The following TANC1 variants were observed in gnomAD, a reference collection of about 807,000 sequenced individuals.
The protein encoded by TANC1 is tetratricopeptide repeat, ankyrin repeat and coiled-coil containing 1.
In TANC1, 77 loss-of-function variants were observed where a neutral mutation model predicts 149.7. The ratio of observed to expected loss-of-function variants is 0.51; its 90% CI spans 0.43 to 0.62. TANC1 has a LOEUF of 0.62. TANC1 is among the 20% of genes least tolerant of loss of function. TANC1 has a pLI of 0.00. For missense variants in TANC1, 1,985 were observed against 2,321.8 expected, an observed-to-expected ratio of 0.85 and a Z score of 2.98; for synonymous variants, 854 against 925.0, an observed-to-expected ratio of 0.92 and a Z score of 1.39.
intron 7 of TANC1, among the ~76,000 whole-genome samples, chr2:159,154,273 G>A (rs1203843409): frequency 6.6e-6 from 1 of 152,142 alleles, no homozygotes; most frequent in Non-Finnish European, 1.5e-5. Context: ...AAAATTCCTG[G>A]ACCTTTCTTT....
Position 159,175,065 on chromosome 2 carries a change from GAGAC to G in TANC1, c.1617_1620del (p.Arg539SerfsTer3). Reference sequence around the variant, plus strand: ...CGGTCCCATCAGCTGGCCGCCTACAGAGACCTTCTGATAAAGGAGCCCCAACTAC... The same window carrying G: ...CGGTCCCATCAGCTGGCCGCCTACAGCTTCTGATAAAGGAGCCCCAACTAC... On this transcript the variant is annotated frameshift_variant, in exon 12 of 27. Coordinates refer to ENST00000263635, the MANE Select transcript of TANC1 (RefSeq NM_033394.3). LOFTEE classifies it high-confidence loss of function. 6.2e-7 allele frequency: 1 copy of G among 1,614,226 alleles called. No individual in the cohort carries two copies. Among genetic ancestry groups the G allele is most frequent in the Non-Finnish European group, 8.5e-7 (1 of 1,180,046 alleles).
At chr2:159,227,783 G>GA (rs775101195) in intron 24 of TANC1, 36 bp from the exon 25 acceptor site, 9 of 1,611,264 alleles carry the variant, frequency 5.6e-6, no homozygotes, top group African/African-American at 1.3e-5. Context: ...TAGAACCTCT[G>GA]AAAAAGGACA....
At chr2:159,172,562 A>G (rs2055376313) in intron 11 of TANC1, among the ~76,000 whole-genome samples, 1 of 152,212 alleles carries the variant, frequency 6.6e-6, no homozygotes, top group African/African-American at 2.4e-5. Flanking sequence ...GCTTATCTGC[A>G]TGTGCTCTTC....
At chr2:159,151,326 G>A (rs1357448266) in intron 7 of TANC1, among the ~76,000 whole-genome samples, 2 of 152,242 alleles carry the variant, frequency 1.3e-5, no homozygotes, top group Non-Finnish European at 2.9e-5. Flanking sequence ...CTGGGCTCCA[G>A]TGTCTGTGTG....
At chr2:159,072,080 C>A (rs1054118633) in intron 3 of TANC1, among the ~76,000 whole-genome samples, 10 of 150,008 alleles carry the variant, frequency 6.7e-5, no homozygotes, top group African/African-American at 2.5e-4. Context: ...CTCCTAGGTT[C>A]AAGCGATTTT....
Position 159,034,008 on chromosome 2 carries a change from T to C in TANC1, c.-15-31888T>C, listed in dbSNP as rs1321392516. On this transcript the variant is annotated intron_variant, in intron 2 of 26. Transcript: ENST00000263635. ...ATTAGAAGAACAGGTGAAATCATAG[T>C]GGCAAATACAGTGGTGCAGTAAATT... is the stretch of plus-strand genomic sequence containing the variant. 3.9e-5 allele frequency among the ~76,000 whole-genome samples: 6 copies of C among 152,222 alleles called. No individual in the cohort carries two copies. The East Asian group carries it at 1.2e-3, about 29-fold the overall frequency.
chr2:159,066,526 T>A (rs2042683266), intron 3 of TANC1, among the ~76,000 whole-genome samples: 1 of 152,236 alleles, frequency 6.6e-6, no homozygotes, highest in Non-Finnish European at 1.5e-5. Flanking sequence ...TAAAGGTTCA[T>A]AATTTTAATA....
At chr2:159,140,628 A>C (rs1187548564) in intron 5 of TANC1, among the ~76,000 whole-genome samples, 2 of 151,940 alleles carry the variant, frequency 1.3e-5, no homozygotes, top group Non-Finnish European at 2.9e-5. Flanking sequence ...TAAAGGAGGA[A>C]GTAATGACTA....
intron 4 of TANC1, among the ~76,000 whole-genome samples, chr2:159,105,549 T>C (rs1247417741): frequency 6.6e-6 from 1 of 152,128 alleles, no homozygotes; most frequent in Non-Finnish European, 1.5e-5. Flanking sequence ...GCAGTGGAAT[T>C]ACAAAAAGAA....
At chr2:159,074,523 G>A (rs1281879947) in intron 3 of TANC1, among the ~76,000 whole-genome samples, 1 of 152,122 alleles carries the variant, frequency 6.6e-6, no homozygotes, top group Non-Finnish European at 1.5e-5. Context: ...TGCACACAGG[G>A]TCTTCCTGAT....
intron 2 of TANC1, among the ~76,000 whole-genome samples, chr2:159,011,972 T>C (rs1205282289): frequency 6.6e-6 from 1 of 152,080 alleles, no homozygotes; most frequent in Non-Finnish European, 1.5e-5. Context: ...CCCCAGTCTC[T>C]ATTCCTAAAC....
intron 2 of TANC1, among the ~76,000 whole-genome samples, chr2:159,064,980 C>T (rs887738926): frequency 1.7e-4 from 26 of 152,086 alleles, no homozygotes; most frequent in African/African-American, 6.0e-4. Context: ...CCTTCTACTT[C>T]CCTTAGTGCA....
intron 5 of TANC1, among the ~76,000 whole-genome samples, chr2:159,143,076 AAAC>A (rs2051585218): frequency 1.9e-5 from 1 of 52,498 alleles, no homozygotes; most frequent in African/African-American, 5.1e-5. Context: ...AAAAAAAAAA[AAAC>A]AACAAAACAA....
chr2:159,104,972 G>T, intron 4 of TANC1, among the ~76,000 whole-genome samples: 1 of 110,282 alleles, frequency 9.1e-6, no homozygotes, highest in African/African-American at 3.1e-5. Flanking sequence ...TCTGATTGTT[G>T]GATATTTGCT....
chr2:159,229,540 G>T (rs1470117642), intron 26 of TANC1, 38 bp from the exon 27 acceptor site: 1 of 1,480,498 alleles, frequency 6.8e-7, no homozygotes, highest in Non-Finnish European at 9.3e-7. Context: ...GCATGTTCGT[G>T]TGTGGTTTGT....
chr2:159,127,706 C>T (rs1460125681), intron 4 of TANC1, among the ~76,000 whole-genome samples: 9 of 152,214 alleles, frequency 5.9e-5, no homozygotes, highest in South Asian at 4.1e-4. Context: ...TACCGGGGCC[C>T]GTCAGGGCAC....
chr2:159,034,311 A>G (rs556989670), intron 2 of TANC1, among the ~76,000 whole-genome samples: 14 of 152,140 alleles, frequency 9.2e-5, no homozygotes, highest in African/African-American at 3.1e-4. Context: ...TCCCTGGTCC[A>G]TTTGCTTTTC....
At position 159,174,944 on chromosome 2, in the gene TANC1, TCC is replaced by T; in HGVS notation, c.1504-5_1504-4del. On this transcript the variant is annotated splice_polypyrimidine_tract_variant and splice_region_variant and intron_variant, in intron 11 of 26. Transcript: ENST00000263635. ...GTGAGGTGATGCTGACGGTTCTGCT[TCC>T]CCCTAGGTGGTGGCCTACCACTACT... 6.2e-7 allele frequency: 1 copy of T among 1,611,428 alleles called. No individual in the cohort carries two copies. Among genetic ancestry groups the T allele is most frequent in the Non-Finnish European group, 8.5e-7 (1 of 1,178,112 alleles).
chr2:159,003,414 TTG>T (rs993186247), intron 2 of TANC1, among the ~76,000 whole-genome samples: 73 of 152,314 alleles, frequency 4.8e-4, no homozygotes, highest in African/African-American at 1.7e-3. Flanking sequence ...AGGAACAGGA[TTG>T]TGTCTTTTAT....
Sources: gnomAD v4.1 joint callset for allele counts (sites outside exome capture counted in the v4.1 genomes callset) on GRCh38, gnomAD v4.1.1 for gene constraint, MANE v1.5 for transcripts, NCBI Gene and HGNC (gene_info 2026-07-23, HGNC 2026-07-21) for gene names.